Variants in EPHB4 observed in about 807,000 individuals in gnomAD.
EPHB4 encodes the protein EPH receptor B4.
EPHB4 carries 50 observed loss-of-function variants against 110.6 expected under a neutral mutation model. That is an observed-to-expected ratio of 0.45 (90% CI 0.36 to 0.57). The LOEUF (loss-of-function observed/expected upper bound fraction) is 0.57, where lower values mean the gene tolerates loss of function less well. EPHB4 is among the 20% of genes least tolerant of loss of function. The probability of loss-of-function intolerance (pLI) is 0.00; values close to 1 mark genes in which losing one functional copy is unlikely to be tolerated. For synonymous variants in EPHB4, 592 were observed against 578.4 expected (o/e 1.02, Z -0.34); for missense variants, 1,128 against 1,382.1 (o/e 0.82, Z 2.91).
rs773020623 is a variant in EPHB4 at position 100,813,029 on chromosome 7, C to T, written c.1871-35G>A. ...AGGACGCAGAGGTCATCAGCTCTCC[C>T]GCTCCAGTGTGGCCCTGCCCACCCC... is the stretch of plus-strand genomic sequence containing the variant. On this transcript the variant is annotated intron_variant, in intron 11 of 16. Coordinates refer to ENST00000358173, the MANE Select transcript of EPHB4 (RefSeq NM_004444.5). The T allele has an allele frequency of 1.1e-5, 17 of 1,612,206 alleles. No individual in the cohort carries two copies. In the East Asian group the frequency reaches 2.0e-4, roughly 19 times the overall value.
At position 100,812,699 on chromosome 7, in the gene EPHB4, TG is replaced by T. The variant is rs754885287; in HGVS notation, c.2118+47del. ...CTTCTTAACCCAAGTGGCCTCTGGG[TG>T]TAAGTGGGAACTCCGGGTGGCCGCA... On this transcript the variant is annotated intron_variant, in intron 12 of 16. Coordinates refer to ENST00000358173, the MANE Select transcript of EPHB4 (RefSeq NM_004444.5). The T allele has an allele frequency of 8.8e-6, 14 of 1,581,988 alleles. No individual in the cohort carries two copies. The South Asian group carries it at 1.6e-4, about 18-fold the overall frequency.
At chr7:100,813,346 G>T in intron 10 of EPHB4, 138 bp from the exon 11 acceptor site, 1 of 651,678 alleles carries the variant, frequency 1.5e-6, no homozygotes, top group Non-Finnish European at 2.4e-6. Flanking sequence ...ATGGAGTCTC[G>T]CTCTGTCACC....
rs146032057 is a variant in EPHB4 at position 100,804,783 on chromosome 7, G to C, written c.2834+383C>G. On this transcript the variant is annotated intron_variant, in intron 16 of 16. Transcript: ENST00000358173. ...ACCATTTCACATAAAAGCTGAAGAG[G>C]ATCTCCAAAACCTAGCCCAATCTTC... is the stretch of plus-strand genomic sequence containing the variant. Among the ~76,000 whole-genome samples the C allele has an allele frequency of 2.4e-3, 366 of 152,246 alleles. 2 individuals carry two copies. The highest frequency in any genetic ancestry group is 8.4e-3 in the African/African-American group (347 of 41,550).
chr7:100,826,949 G>A (rs552830837), intron 1 of EPHB4, 30 bp downstream of exon 1: 35 of 1,523,772 alleles, frequency 2.3e-5, no homozygotes, highest in Non-Finnish European at 2.9e-5. Context: ...AGGAGTGACG[G>A]GGTGCGCCCC....
At chr7:100,810,577 C>G (rs903544305) in intron 12 of EPHB4, among the ~76,000 whole-genome samples, 17 of 151,180 alleles carry the variant, frequency 1.1e-4, no homozygotes, top group Non-Finnish European at 2.1e-4. Context: ...CCCCCATCTC[C>G]GTAAAAAATT....
rs1813260450 is a variant in EPHB4 at position 100,822,489 on chromosome 7, C to A, written c.590G>T (p.Cys197Phe). 1 of 1,613,034 alleles carries A rather than the reference C, an allele frequency of 6.2e-7. No individual in the cohort carries two copies. The highest frequency in any genetic ancestry group is 1.7e-5 in the Admixed American group (1 of 59,946). ...AGTCAGGTTCACAGTCAGCTGGGCG[C>A]ACTTTTTGTAGAAGAGGTGCAGGGA... ...LLSLHLFYKK[C>F]AQLTVNLTRF... Residue 197 changes from cysteine to phenylalanine, a missense_variant, in exon 4 of 17, where the codon TGC (cysteine) becomes TTC (phenylalanine). Coordinates refer to ENST00000358173, the MANE Select transcript of EPHB4 (RefSeq NM_004444.5). This position sits in a 1 kb window ranked among gnomAD's most constrained non-coding sequence, Gnocchi z 4.7.
chr7:100,826,953 G>A (rs754562101), intron 1 of EPHB4, 26 bp downstream of exon 1: 3 of 1,510,746 alleles, frequency 2.0e-6, no homozygotes, highest in Non-Finnish European at 2.7e-6. Flanking sequence ...GTGACGGGGT[G>A]CGCCCCCCCC....
At position 100,823,797 on chromosome 7, in the gene EPHB4, C is replaced by T. The variant is rs1328561801; in HGVS notation, c.258G>A (p.Val86=). 1.9e-6 allele frequency: 3 copies of T among 1,613,362 alleles called. No homozygotes were observed. In the East Asian group the frequency reaches 6.7e-5, roughly 36 times the overall value. Residue 86 remains valine, a synonymous_variant, in exon 3 of 17, where the codon GTG becomes GTA. Coordinates refer to ENST00000358173, the MANE Select transcript of EPHB4 (RefSeq NM_004444.5). Reference sequence around the variant, plus strand: ...GCATGGTGAAGCGCAGCGTGGCGTACACGTGGACGGCGCCCCGCCGTGGGA... The same window carrying T: ...GCATGGTGAAGCGCAGCGTGGCGTATACGTGGACGGCGCCCCGCCGTGGGA... The part of the protein sequence containing the change: ...GWVPRRGAVH[V]YATLRFTMLE...
At chr7:100,809,041 A>C (rs915129998) in intron 12 of EPHB4, among the ~76,000 whole-genome samples, 1 of 152,288 alleles carries the variant, frequency 6.6e-6, no homozygotes, top group African/African-American at 2.4e-5. Flanking sequence ...TGCTGGCAAC[A>C]GGCTTCTGCT....
rs771075650 is a variant in EPHB4, at chr7:100,805,605, C to A, written c.2574G>T (p.Gln858His). 1 of 1,563,504 alleles carries A rather than the reference C, an allele frequency of 6.4e-7. No homozygotes were observed. Among genetic ancestry groups the A allele is most frequent in the Non-Finnish European group, 8.7e-7 (1 of 1,155,790 alleles). The part of the protein sequence containing the change: ...SLHQLMLDCW[Q>H]KDRNARPRFP... ...AGCGGGGCCGGGCATTCCGGTCTTT[C>A]TGCCAACAGTCCAGCATGAGCTGGT... Residue 858 changes from glutamine to histidine, a missense_variant, in exon 15 of 17, where the codon CAG becomes CAT. By Grantham distance (24) the Gln-to-His change is conservative. This residue lies in a region of EPHB4 where 209 missense variants were observed against 240.5 expected (regional missense o/e 0.87). Coordinates refer to ENST00000358173, the MANE Select transcript of EPHB4 (RefSeq NM_004444.5).
At chr7:100,813,313 T>TTC in intron 10 of EPHB4, 105 bp from the exon 11 acceptor site, 6 of 858,034 alleles carry the variant, frequency 7.0e-6, no homozygotes, top group Non-Finnish European at 8.6e-6. Flanking sequence ...GTGGTTTTTT[T>TTC]TTTTTTTTTT....
intron 12 of EPHB4, among the ~76,000 whole-genome samples, chr7:100,812,534 A>G (rs976780385): frequency 9.9e-5 from 15 of 152,162 alleles, no homozygotes; most frequent in African/African-American, 3.6e-4. Context: ...GACAGCAATG[A>G]GCCGAGATCG....
At chr7:100,804,836 C>T (rs1208612212) in intron 16 of EPHB4, among the ~76,000 whole-genome samples, 1 of 152,112 alleles carries the variant, frequency 6.6e-6, no homozygotes, top group Non-Finnish European at 1.5e-5. Context: ...AAAGAGAACC[C>T]GAGTTGACAC....
chr7:100,817,124 C>T, intron 8 of EPHB4, 68 bp downstream of exon 8: 1 of 1,283,926 alleles, frequency 7.8e-7, no homozygotes, highest in Non-Finnish European at 1.0e-6. Context: ...ACTTTGGAGA[C>T]CTGGGGTCTT....
intron 10 of EPHB4, 119 bp from the exon 11 acceptor site, chr7:100,813,327 T>C (rs1372904098): frequency 3.0e-5 from 25 of 825,074 alleles, no homozygotes; most frequent in Middle Eastern, 3.7e-4. Context: ...TTTTTTTTTT[T>C]TTCCTGAGAT....
At position 100,803,445 on chromosome 7, in the gene EPHB4, G is replaced by A. The variant is rs192294324; in HGVS notation, c.*16C>T. ...AATGGGGAGGCGGTGTCCCTGGGGT[G>A]GGGAGTTCCTGCAGGTCAGTACTGC... On this transcript the variant is annotated 3_prime_UTR_variant, in exon 17 of 17. Transcript: ENST00000358173. The A allele has an allele frequency of 1.3e-6, 2 of 1,537,684 alleles. No homozygotes were observed. The highest frequency in any genetic ancestry group is 1.2e-5 in the South Asian group (1 of 81,922).
chr7:100,820,602 C>G (rs555875637), intron 4 of EPHB4: 1 of 217,062 alleles, frequency 4.6e-6, no homozygotes, highest in Non-Finnish European at 9.0e-6. Context: ...TCACCTGTTT[C>G]GACCCTGATC....
In EPHB4 at chr7:100,823,868, C is replaced by T. The variant is rs752453773; in HGVS notation, c.187G>A (p.Val63Met). Reference protein sequence around the residue: ...HSVRTYEVCDVQRAPGQAHWL... With the variant: ...HSVRTYEVCDMQRAPGQAHWL... The stretch of plus-strand genomic sequence containing the variant: ...TGGGCCTGGCCCGGGGCACGCTGCA[C>T]GTCACACACTTCGTAGGTGCGCACG... The change falls in exon 3 of 17, where the codon GTG (valine) becomes ATG (methionine). Residue 63 changes from valine to methionine, a missense_variant. Physicochemically the swap from Val to Met is conservative, Grantham distance 21. Around this residue, in one of 3 missense-constraint regions of EPHB4, gnomAD observed 728 missense variants for 828.6 expected, o/e 0.88. Coordinates refer to ENST00000358173, the MANE Select transcript of EPHB4 (RefSeq NM_004444.5). 1.4e-5 allele frequency: 22 copies of T among 1,612,130 alleles called. No individual in the cohort carries two copies. The highest frequency in any genetic ancestry group is 6.7e-5 in the East Asian group (3 of 44,836).
chr7:100,812,827 C>A lies in EPHB4; in HGVS notation c.2038G>T (p.Glu680Ter), dbSNP rs1452526453. Residue 680 changes from glutamate to a stop codon, truncating the protein, a stop_gained, in exon 12 of 17, where the codon GAG becomes TAG. Coordinates refer to ENST00000358173, the MANE Select transcript of EPHB4 (RefSeq NM_004444.5). LOFTEE classifies it high-confidence loss of function. ...GGCATGCTGTTGGTGACCACGCCCT[C>A]CAGGCGGATGATATTGGGGTGCTCG... The part of the protein sequence containing the change: ...QFEHPNIIRL[E>*]GVVTNSMPVM... The A allele has an allele frequency of 6.2e-7, 1 of 1,614,110 alleles. No individual in the cohort carries two copies. The highest frequency in any genetic ancestry group is 8.5e-7 in the Non-Finnish European group (1 of 1,180,048).
Sources: allele counts gnomAD v4.1 joint callset (sites outside exome capture counted in the v4.1 genomes callset), GRCh38; gene constraint gnomAD v4.1.1; regional missense constraint gnomAD v4.1.1; non-coding constraint Gnocchi (gnomAD v3.1); transcripts MANE v1.5; gene names NCBI Gene and HGNC (gene_info 2026-07-23, HGNC 2026-07-21).